The following GALNT13 variants were observed in gnomAD, a reference collection of about 807,000 sequenced individuals.
GALNT13 encodes the protein UDP-GalNAc:polypeptide N-acetylgalactosaminyltransferase 13.
A neutral mutation model predicts 64.2 loss-of-function variants in GALNT13; 28 were observed. The observed-to-expected ratio is 0.44, with a 90% CI of 0.32 to 0.60. The LOEUF (loss-of-function observed/expected upper bound fraction) is 0.60. Among genes scored for constraint, GALNT13 ranks in the 20% least tolerant of loss-of-function variants. GALNT13 has a pLI of 0.05. For missense variants in GALNT13, 577 were observed against 669.8 expected (o/e 0.86, Z 1.53); for synonymous variants, 214 against 224.6 (o/e 0.95, Z 0.42).
the GALNT13 span, among the ~76,000 whole-genome samples, chr2:153,861,559 C>CT: frequency 6.7e-3 from 791 of 117,968 alleles, 16 homozygotes; most frequent in African/African-American, 0.02. Flanking sequence ...TTCTTTCTTT[C>CT]TTTTTTTTTT....
chr2:153,510,127 G>A, the GALNT13 span, among the ~76,000 whole-genome samples: 2 of 152,148 alleles, frequency 1.3e-5, no homozygotes, highest in African/African-American at 4.8e-5. Flanking sequence ...GCCTAAGCAT[G>A]ACTCAAAGAA....
At chr2:153,835,121 CTT>C in the GALNT13 span, among the ~76,000 whole-genome samples, 5 of 151,984 alleles carry the variant, frequency 3.3e-5, no homozygotes, top group African/African-American at 1.2e-4. Context: ...TAGTTCTAGA[CTT>C]TTTCCTCTTG....
the GALNT13 span, among the ~76,000 whole-genome samples, chr2:153,077,108 C>T: frequency 1.5e-4 from 23 of 151,978 alleles, no homozygotes; most frequent in East Asian, 4.5e-3. Flanking sequence ...CCCGCCACCA[C>T]ACCTAGCTAA....
chr2:153,242,803 G>A, the GALNT13 span, among the ~76,000 whole-genome samples: 1 of 152,156 alleles, frequency 6.6e-6, no homozygotes, highest in African/African-American at 2.4e-5. Flanking sequence ...AACAGCCTGG[G>A]ACTCCTGGGG....
At chr2:153,958,726 C>T (rs1456157846) in intron 3 of GALNT13, among the ~76,000 whole-genome samples, 1 of 152,026 alleles carries the variant, frequency 6.6e-6, no homozygotes, top group Non-Finnish European at 1.5e-5. Context: ...AAATTAGATC[C>T]CAAGCTACAA....
the GALNT13 span, among the ~76,000 whole-genome samples, chr2:153,410,260 G>A: frequency 6.6e-5 from 10 of 151,726 alleles, no homozygotes; most frequent in African/African-American, 1.5e-4. Flanking sequence ...ATTTTTTTAG[G>A]GGGGGTGGGG....
At chr2:154,153,026 GT>G (rs1485166193) in intron 4 of GALNT13, among the ~76,000 whole-genome samples, 3 of 152,106 alleles carry the variant, frequency 2.0e-5, no homozygotes, top group African/African-American at 7.2e-5. Context: ...AGAGTTTCCA[GT>G]TTTTCTGCTC....
chr2:154,271,562 A>G (rs1026059146), intron 8 of GALNT13, among the ~76,000 whole-genome samples: 2 of 151,900 alleles, frequency 1.3e-5, no homozygotes, highest in African/African-American at 4.8e-5. Context: ...TGTGTCATAA[A>G]CCTAGCCCTC....
chr2:153,608,917 CTTTT>C, the GALNT13 span, among the ~76,000 whole-genome samples: 1 of 130,628 alleles, frequency 7.7e-6, no homozygotes, highest in Non-Finnish European at 1.6e-5. Flanking sequence ...TTTTTTACTT[CTTTT>C]TTTTTTTTTT....
the GALNT13 span, among the ~76,000 whole-genome samples, chr2:153,387,445 T>C: frequency 2.6e-5 from 4 of 152,254 alleles, no homozygotes; most frequent in South Asian, 6.2e-4. Flanking sequence ...GCTGGGCTTC[T>C]AGTGATTGCA....
the GALNT13 span, among the ~76,000 whole-genome samples, chr2:153,451,198 C>A: frequency 1.3e-5 from 2 of 152,024 alleles, no homozygotes; most frequent in African/African-American, 4.8e-5. Context: ...GACCTAAAAT[C>A]ATCAGCATTC....
intron 1 of GALNT13, among the ~76,000 whole-genome samples, chr2:153,896,362 A>T (rs919306757): frequency 6.6e-6 from 1 of 150,770 alleles, no homozygotes; most frequent in Non-Finnish European, 1.5e-5. Context: ...TATTTTATAT[A>T]TTTAATAGGT....
the GALNT13 span, among the ~76,000 whole-genome samples, chr2:153,848,381 T>C: frequency 6.6e-6 from 1 of 152,186 alleles, no homozygotes. Flanking sequence ...AGGTGTTCAC[T>C]TGGTAGTGTT....
the GALNT13 span, chr2:153,762,323 G>C: frequency 6.6e-6 from 1 of 152,116 alleles, no homozygotes; most frequent in South Asian, 2.1e-4. Context: ...TTTGAGAGCT[G>C]ATGCACAACA....
chr2:153,204,967 G>A, the GALNT13 span, among the ~76,000 whole-genome samples: 2 of 152,048 alleles, frequency 1.3e-5, no homozygotes, highest in African/African-American at 4.8e-5. Context: ...CACAAATATT[G>A]CAACAAGATT....
the GALNT13 span, among the ~76,000 whole-genome samples, chr2:153,620,602 T>A: frequency 6.6e-6 from 1 of 152,034 alleles, no homozygotes; most frequent in Non-Finnish European, 1.5e-5. Flanking sequence ...CCAGAATTTC[T>A]GCTTGATTCT....
intron 4 of GALNT13, among the ~76,000 whole-genome samples, chr2:154,177,128 A>G (rs1416376053): frequency 1.3e-5 from 2 of 152,230 alleles, no homozygotes; most frequent in African/African-American, 2.4e-5. Flanking sequence ...ATTTTATATT[A>G]AAAGAATTCA....
At chr2:153,612,491 TAC>T in the GALNT13 span, among the ~76,000 whole-genome samples, 1 of 152,152 alleles carries the variant, frequency 6.6e-6, no homozygotes, top group Admixed American at 6.6e-5. Flanking sequence ...ACATGAAAAT[TAC>T]AGTCCTTTCA....
the GALNT13 span, among the ~76,000 whole-genome samples, chr2:153,293,009 C>T: frequency 2.6e-5 from 4 of 151,824 alleles, no homozygotes; most frequent in Non-Finnish European, 4.4e-5. Flanking sequence ...AGGTTTTTTT[C>T]CCTAATTTGG....
Sources: gnomAD v4.1 joint callset for allele counts (sites outside exome capture counted in the v4.1 genomes callset) on GRCh38, gnomAD v4.1.1 for gene constraint, MANE v1.5 for transcripts, NCBI Gene and HGNC (gene_info 2026-07-23, HGNC 2026-07-21) for gene names.